The following ADAMTSL1 variants were observed in gnomAD, a reference collection of about 807,000 sequenced individuals.
ADAMTSL1 encodes the protein ADAMTS like 1, also known as ADAMTS-like protein 1.
Under a neutral mutation model 201.8 loss-of-function variants are expected in ADAMTSL1, and 126 were observed. That is an observed-to-expected ratio of 0.62 (90% CI 0.54 to 0.72). The LOEUF is 0.72. Ranked by LOEUF, ADAMTSL1 falls within the 30% of genes least tolerant of loss-of-function variation. ADAMTSL1 has a pLI of 0.00. For synonymous variants in ADAMTSL1, 1,121 were observed against 903.4 expected (o/e 1.24, Z -4.32); for missense variants, 2,679 against 2,277.8 (o/e 1.18, Z -3.59).
intron 1 of ADAMTSL1, among the ~76,000 whole-genome samples, chr9:18,105,864 G>A (rs1824735785): frequency 6.6e-6 from 1 of 152,120 alleles, no homozygotes; most frequent in African/African-American, 2.4e-5. Context: ...AAAAAACACA[G>A]GCCCACTGCA....
At chr9:18,763,241 C>A (rs1489600276) in intron 16 of ADAMTSL1, among the ~76,000 whole-genome samples, 1 of 152,124 alleles carries the variant, frequency 6.6e-6, no homozygotes, top group African/African-American at 2.4e-5. Context: ...TTTTGATTTG[C>A]ATTTCTTTGA....
chr9:17,961,256 T>C (rs1236183099), intron 1 of ADAMTSL1, among the ~76,000 whole-genome samples: 1 of 152,098 alleles, frequency 6.6e-6, no homozygotes, highest in Non-Finnish European at 1.5e-5. Flanking sequence ...ATTATTATTA[T>C]TATTTTTTTG....
intron 2 of ADAMTSL1, among the ~76,000 whole-genome samples, chr9:18,515,537 G>A (rs563126023): frequency 2.0e-5 from 3 of 152,158 alleles, no homozygotes. Flanking sequence ...GTTTCACTAT[G>A]TTGGCCAGGC....
chr9:18,578,546 C>T (rs1048231790), intron 4 of ADAMTSL1, among the ~76,000 whole-genome samples: 1 of 152,236 alleles, frequency 6.6e-6, no homozygotes, highest in Non-Finnish European at 1.5e-5. Context: ...AGCTCCACCA[C>T]TCATTGGCAT....
intron 2 of ADAMTSL1, among the ~76,000 whole-genome samples, chr9:18,258,877 A>G (rs558721157): frequency 1.3e-5 from 2 of 152,118 alleles, no homozygotes; most frequent in Admixed American, 6.5e-5. Flanking sequence ...TTCTCTCCTG[A>G]TTATTGAATG....
upstream of ADAMTSL1, among the ~76,000 whole-genome samples, chr9:18,469,922 C>T (rs1380369797): frequency 6.6e-6 from 1 of 152,172 alleles, no homozygotes; most frequent in Non-Finnish European, 1.5e-5. Flanking sequence ...GGATGAAGGA[C>T]TGCTAACCCA....
intron 1 of ADAMTSL1, among the ~76,000 whole-genome samples, chr9:17,978,220 G>A (rs1818533191): frequency 6.6e-6 from 1 of 152,016 alleles, no homozygotes; most frequent in Non-Finnish European, 1.5e-5. Context: ...TTTTGTAGGA[G>A]GCATATAGTT....
chr9:18,802,410 A>G (rs1822858240), intron 20 of ADAMTSL1, among the ~76,000 whole-genome samples: 1 of 152,178 alleles, frequency 6.6e-6, no homozygotes, highest in South Asian at 2.1e-4. Flanking sequence ...GCAACCACTA[A>G]TATACTTTAA....
chr9:18,205,558 C>G (rs555864676), intron 2 of ADAMTSL1, among the ~76,000 whole-genome samples: 126 of 152,134 alleles, frequency 8.3e-4, no homozygotes, highest in Non-Finnish European at 1.5e-3. Flanking sequence ...AAAACTGACA[C>G]ACAGAGGGTC....
chr9:18,412,872 T>C (rs1234438520), intron 2 of ADAMTSL1, among the ~76,000 whole-genome samples: 2 of 152,206 alleles, frequency 1.3e-5, no homozygotes, highest in African/African-American at 4.8e-5. Context: ...AGCTATTTCT[T>C]CAAGAAGCTC....
chr9:18,465,732 T>C lies in ADAMTSL1; in HGVS notation c.208-39097T>C, dbSNP rs548722267. ...GGATGGCTAATATCTCTGCCACAGG[T>C]ATCTTTTTGTTTTGTTTTGTTTTGT... On this transcript the variant is annotated intron_variant, in intron 2 of 29. Transcript: ENST00000680146. 2.0e-3 allele frequency among the ~76,000 whole-genome samples: 287 copies of C among 141,562 alleles called. 2 individuals carry two copies. The highest frequency in any genetic ancestry group is 3.1e-3 in the Non-Finnish European group (202 of 64,658). 92.9% of individuals were successfully genotyped at this position (141,562 alleles called of 152,430 possible).
intron 1 of ADAMTSL1, among the ~76,000 whole-genome samples, chr9:18,069,629 G>C (rs1422063589): frequency 3.3e-5 from 5 of 152,020 alleles, no homozygotes. Flanking sequence ...TCCTAATCTG[G>C]GCTTTATTCT....
intron 1 of ADAMTSL1, among the ~76,000 whole-genome samples, chr9:18,095,723 C>A (rs972679512): frequency 2.6e-5 from 4 of 152,124 alleles, no homozygotes; most frequent in Non-Finnish European, 5.9e-5. Flanking sequence ...TGTGGTGGCC[C>A]TCCCTGATAA....
intron 2 of ADAMTSL1, among the ~76,000 whole-genome samples, chr9:18,300,923 C>G (rs1195341608): frequency 1.3e-5 from 2 of 152,050 alleles, no homozygotes; most frequent in African/African-American, 4.8e-5. Flanking sequence ...TATTGAGAGA[C>G]ATTTTACATG....
chr9:18,059,620 A>G (rs1425056391), intron 1 of ADAMTSL1, among the ~76,000 whole-genome samples: 1 of 152,212 alleles, frequency 6.6e-6, no homozygotes. Context: ...ACTTGTACAC[A>G]CATACCACTA....
chr9:18,390,586 C>T (rs1476811395), intron 2 of ADAMTSL1, among the ~76,000 whole-genome samples: 1 of 152,188 alleles, frequency 6.6e-6, no homozygotes, highest in East Asian at 1.9e-4. Flanking sequence ...AGTAAGCGTG[C>T]AGAGCCACAT....
At chr9:18,010,472 T>C (rs1031731945) in intron 1 of ADAMTSL1, among the ~76,000 whole-genome samples, 1 of 152,010 alleles carries the variant, frequency 6.6e-6, no homozygotes, top group African/African-American at 2.4e-5. Flanking sequence ...GTAAAATACT[T>C]CACTTGGTTT....
At chr9:18,234,360 T>C (rs986938519) in intron 2 of ADAMTSL1, among the ~76,000 whole-genome samples, 2 of 152,112 alleles carry the variant, frequency 1.3e-5, no homozygotes, top group Admixed American at 1.3e-4. Flanking sequence ...AGAGAGATAG[T>C]TGGATGGCAG....
intron 1 of ADAMTSL1, among the ~76,000 whole-genome samples, chr9:17,970,145 T>A (rs1428456207): frequency 6.6e-6 from 1 of 151,980 alleles, no homozygotes; most frequent in Non-Finnish European, 1.5e-5. Context: ...TTCCCCTAGT[T>A]CCCATTCTAG....
Sources: allele counts gnomAD v4.1 joint callset (sites outside exome capture counted in the v4.1 genomes callset), GRCh38; gene constraint gnomAD v4.1.1; transcripts MANE v1.5; gene names NCBI Gene and HGNC (gene_info 2026-07-23, HGNC 2026-07-21).